Variants in WWOX observed in about 807,000 individuals in gnomAD.
WWOX encodes WW domain containing oxidoreductase, also known as WW domain-containing oxidoreductase.
A neutral mutation model predicts 46.2 loss-of-function variants in WWOX; 69 were observed. That is an observed-to-expected ratio of 1.49 (90% confidence interval 1.23 to 1.82). The LOEUF is 1.82. Among genes scored for constraint, WWOX ranks in the 40% most tolerant of loss-of-function variants. The pLI, the probability that WWOX is intolerant of heterozygous loss-of-function variation, is 0.00. For synonymous variants in WWOX, 359 were observed against 202.6 expected, an observed-to-expected ratio of 1.77 and a Z score of -6.56; for missense variants, 919 against 542.6, an observed-to-expected ratio of 1.69 and a Z score of -6.89.
intron 8 of WWOX, among the ~76,000 whole-genome samples, chr16:78,847,959 G>A (rs1359962639): frequency 6.6e-6 from 1 of 152,106 alleles, no homozygotes; most frequent in Non-Finnish European, 1.5e-5. Flanking sequence ...GAGCTGACCT[G>A]CTGGAGCATG....
chr16:78,442,997 G>A (rs71396185), intron 8 of WWOX, among the ~76,000 whole-genome samples: 319 of 151,926 alleles, frequency 2.1e-3, no homozygotes, highest in African/African-American at 6.8e-3. Context: ...GTGGTGGGGC[G>A]CGGTCGTGGG....
chr16:78,191,444 G>T (rs2035880747), intron 5 of WWOX, among the ~76,000 whole-genome samples: 1 of 152,164 alleles, frequency 6.6e-6, no homozygotes. Flanking sequence ...ATATTTGTTT[G>T]GGCTTTGAAA....
intron 5 of WWOX, among the ~76,000 whole-genome samples, chr16:78,231,562 A>C (rs985857330): frequency 4.6e-5 from 7 of 152,170 alleles, no homozygotes; most frequent in African/African-American, 9.7e-5. Flanking sequence ...CAGAATCCAA[A>C]TGCTTAAATT....
At chr16:78,908,134 G>T (rs755045135) in intron 8 of WWOX, among the ~76,000 whole-genome samples, 1 of 152,112 alleles carries the variant, frequency 6.6e-6, no homozygotes, top group Non-Finnish European at 1.5e-5. Context: ...GGATTCTATG[G>T]CCAAGTGTGT....
At chr16:78,979,693 C>T (rs1003391034) in intron 8 of WWOX, among the ~76,000 whole-genome samples, 3 of 152,104 alleles carry the variant, frequency 2.0e-5, no homozygotes, top group Admixed American at 2.0e-4. Context: ...GCCTGTGTAG[C>T]CGTCCATGCT....
At position 78,348,944 on chromosome 16, in the gene WWOX, G is replaced by T. The variant is rs1204229379; in HGVS notation, c.517-37916G>T. Among the ~76,000 whole-genome samples, 2 of 121,076 alleles carry T rather than the reference G, an allele frequency of 1.7e-5. 1 individual carries two copies. Among genetic ancestry groups the T allele is most frequent in the African/African-American group, 5.6e-5 (2 of 35,676 alleles). The allele number at this position is 121,076 out of a possible 152,430, so 79.4% of individuals were successfully genotyped here. A position where few individuals can be genotyped will look rare whatever the true frequency, so the allele number is the denominator to read the frequency against. ...GAAAATAGCCCAGCAGAGGGGAAAA[G>T]AGGAAGTCTGAACGAGGGCCACATT... On this transcript the variant is annotated intron_variant, in intron 5 of 8. Coordinates refer to ENST00000566780, the MANE Select transcript of WWOX (RefSeq NM_016373.4).
intron 5 of WWOX, among the ~76,000 whole-genome samples, chr16:78,171,297 A>T (rs558094480): frequency 6.6e-6 from 1 of 152,280 alleles, no homozygotes; most frequent in African/African-American, 2.4e-5. Flanking sequence ...ACTTTTAAAG[A>T]CTTCTGCAAA....
intron 8 of WWOX, among the ~76,000 whole-genome samples, chr16:78,547,359 G>A (rs1251339283): frequency 6.6e-6 from 1 of 152,068 alleles, no homozygotes; most frequent in African/African-American, 2.4e-5. Flanking sequence ...GGACAGAGAG[G>A]TTAGATGTGT....
At chr16:78,487,490 C>T (rs1433699317) in intron 8 of WWOX, among the ~76,000 whole-genome samples, 1 of 152,168 alleles carries the variant, frequency 6.6e-6, no homozygotes, top group African/African-American at 2.4e-5. Flanking sequence ...CCATTTTACA[C>T]TGAGGGTTTG....
At chr16:78,316,694 T>G in intron 5 of WWOX, among the ~76,000 whole-genome samples, 1 of 152,154 alleles carries the variant, frequency 6.6e-6, no homozygotes, top group Non-Finnish European at 1.5e-5. Context: ...CTGTATTGTC[T>G]TTTCTGCTGC....
At chr16:78,754,434 G>C (rs555267061) in intron 8 of WWOX, among the ~76,000 whole-genome samples, 2 of 152,264 alleles carry the variant, frequency 1.3e-5, no homozygotes, top group South Asian at 4.2e-4. Context: ...GTTTTGAAGA[G>C]TTTGGCACCG....
intron 8 of WWOX, among the ~76,000 whole-genome samples, chr16:78,683,515 G>A (rs1334615735): frequency 2.0e-5 from 3 of 151,856 alleles, no homozygotes; most frequent in East Asian, 1.9e-4. Context: ...ACTCCAGCCT[G>A]GCTGACAGAG....
chr16:78,969,884 A>C (rs2046437483), intron 8 of WWOX, among the ~76,000 whole-genome samples: 1 of 152,210 alleles, frequency 6.6e-6, no homozygotes, highest in African/African-American at 2.4e-5. Context: ...AGCTAAAGAT[A>C]GCAGGATTCC....
intron 8 of WWOX, among the ~76,000 whole-genome samples, chr16:79,123,575 C>T (rs539726381): frequency 1.1e-4 from 17 of 152,182 alleles, no homozygotes; most frequent in African/African-American, 4.1e-4. Flanking sequence ...CGTTGAGACC[C>T]AGAAGGGTCT....
intron 8 of WWOX, among the ~76,000 whole-genome samples, chr16:79,089,022 C>G (rs111498604): frequency 1.2e-3 from 189 of 152,210 alleles, no homozygotes; most frequent in African/African-American, 4.1e-3. Context: ...AGGAATGAAG[C>G]CAATTTCATT....
rs570329345 is a variant in WWOX, at chr16:78,610,977, A to T, written c.1056+178225A>T. Reference sequence around the variant, plus strand: ...TGTTTCTTAACATTAAAAACAACAAAAACAACAACAACAACAAAAAACCAA... The same window carrying T: ...TGTTTCTTAACATTAAAAACAACAATAACAACAACAACAACAAAAAACCAA... On this transcript the variant is annotated intron_variant, in intron 8 of 8. Coordinates refer to ENST00000566780, the MANE Select transcript of WWOX (RefSeq NM_016373.4). 2.6e-5 allele frequency among the ~76,000 whole-genome samples: 4 copies of T among 152,260 alleles called. No homozygotes were observed. In the South Asian group the frequency reaches 8.3e-4, roughly 32 times the overall value.
intron 1 of WWOX, among the ~76,000 whole-genome samples, chr16:78,103,532 G>C (rs1254092718): frequency 6.6e-6 from 1 of 151,936 alleles, no homozygotes; most frequent in Non-Finnish European, 1.5e-5. Flanking sequence ...AAATTCTTTG[G>C]GTGTTAGCTT....
intron 8 of WWOX, among the ~76,000 whole-genome samples, chr16:79,173,190 G>T (rs1038825883): frequency 8.5e-5 from 13 of 152,166 alleles, no homozygotes; most frequent in Non-Finnish European, 1.5e-5. Flanking sequence ...CGTCACTGCA[G>T]AGTGAACCCT....
chr16:78,298,411 G>T (rs1272422312), intron 5 of WWOX, among the ~76,000 whole-genome samples: 2 of 152,108 alleles, frequency 1.3e-5, no homozygotes, highest in East Asian at 3.9e-4. Flanking sequence ...TTTGTATCCT[G>T]GCTCTGCCCC....
Sources: allele counts gnomAD v4.1 joint callset (sites outside exome capture counted in the v4.1 genomes callset), GRCh38; gene constraint gnomAD v4.1.1; transcripts MANE v1.5; gene names NCBI Gene and HGNC (gene_info 2026-07-23, HGNC 2026-07-21).